UPK1B: variants seen among roughly 807,000 people sequenced by gnomAD.
UPK1B encodes the protein uroplakin-1b.
In UPK1B, 28 loss-of-function variants were observed where a neutral mutation model predicts 34.2. The observed-to-expected ratio is 0.82, with a 90% CI of 0.61 to 1.12. The LOEUF (loss-of-function observed/expected upper bound fraction) is 1.12. Ranked by LOEUF, UPK1B falls within the 50% of genes most tolerant of loss-of-function variation. The pLI is 0.00. For missense variants in UPK1B, 325 were observed against 320.9 expected, an observed-to-expected ratio of 1.01 and a Z score of -0.10; for synonymous variants, 81 against 110.4, an observed-to-expected ratio of 0.73 and a Z score of 1.67.
chr3:119,175,317 G>A lies in UPK1B; in HGVS notation c.-29+1679G>A, dbSNP rs12497647. Among the ~76,000 whole-genome samples, 2,197 of 151,964 alleles carry A rather than the reference G, an allele frequency of 0.014. 82 individuals are homozygous for A. In the East Asian group the frequency reaches 0.16, roughly 11 times the overall value. On this transcript the variant is annotated intron_variant, in intron 1 of 7. Transcript: ENST00000264234. ...GCTGAGATTACAGGCTTGAGCCACC[G>A]CACCCGGCCAAAACTCAGAACTTCT...
At chr3:119,192,944 G>A (rs2107434625) in intron 5 of UPK1B, among the ~76,000 whole-genome samples, 1 of 222 alleles carries the variant, frequency 4.5e-3, no homozygotes, top group South Asian at 0.17. Flanking sequence ...CTACACTTGT[G>A]GTCCCATTTT....
At position 119,187,974 on chromosome 3, in the gene UPK1B, C is replaced by T. The variant is rs776227161; in HGVS notation, c.269C>T (p.Ala90Val). The T allele has an allele frequency of 8.3e-5, 134 of 1,613,980 alleles. 1 individual carries two copies. The highest frequency in any genetic ancestry group is 4.9e-4 in the Middle Eastern group (3 of 6,084). Residue 90 changes from alanine to valine, a missense_variant and splice_region_variant, in exon 3 of 8, where the codon GCG becomes GTG. Transcript: ENST00000264234. ...IMKSSRKILLAYFILMFIVYA... is the reference protein window; with the variant it reads ...IMKSSRKILLVYFILMFIVYA... Reference sequence around the variant, plus strand: ...AAGTCCAGCAGGAAAATTCTTCTGGCGGTAAGACCTCAAAATTCTCTGGAG... The same window carrying T: ...AAGTCCAGCAGGAAAATTCTTCTGGTGGTAAGACCTCAAAATTCTCTGGAG...
intron 5 of UPK1B, among the ~76,000 whole-genome samples, chr3:119,193,065 C>T (rs550619680): frequency 1.3e-5 from 2 of 152,274 alleles, no homozygotes; most frequent in South Asian, 2.1e-4. Flanking sequence ...ATCCAATAGC[C>T]AAGTCTCTGT....
chr3:119,200,429 T>C (rs931147876), intron 7 of UPK1B, among the ~76,000 whole-genome samples: 7 of 152,258 alleles, frequency 4.6e-5, no homozygotes, highest in Admixed American at 3.3e-4. Context: ...TACTCTGTTA[T>C]GTTAAAATAT....
chr3:119,179,352 GATATATATATATATATATATATATATAT>G (rs60685268), intron 1 of UPK1B, among the ~76,000 whole-genome samples: 3 of 46,890 alleles, frequency 6.4e-5, no homozygotes, highest in African/African-American at 1.8e-4. Flanking sequence ...GAGAGAGGGA[GATATATATATATATATATATATATATAT>G]ATATATATAT....
chr3:119,198,130 A>C, intron 6 of UPK1B, among the ~76,000 whole-genome samples: 1 of 119,228 alleles, frequency 8.4e-6, no homozygotes, highest in African/African-American at 3.3e-5. Flanking sequence ...GATCCTTCTT[A>C]GGAAAAACAA....
intron 1 of UPK1B, among the ~76,000 whole-genome samples, chr3:119,175,012 CTTTTTTTTTTTTTTTTTTTTTTT>C (rs374721069): frequency 3.6e-4 from 24 of 67,482 alleles, no homozygotes; most frequent in Non-Finnish European, 5.8e-4. Flanking sequence ...CTTTTATTTT[CTTTTTTTTTTTTTTTTTTTTTTT>C]TTTTTTTTTT....
intron 1 of UPK1B, among the ~76,000 whole-genome samples, chr3:119,183,402 C>G (rs1156469810): frequency 2.0e-5 from 3 of 151,886 alleles, no homozygotes; most frequent in Non-Finnish European, 4.4e-5. Context: ...GCTGGGATTA[C>G]AGGCACCCGC....
intron 1 of UPK1B, among the ~76,000 whole-genome samples, chr3:119,178,560 T>C (rs953619129): frequency 2.0e-5 from 3 of 152,128 alleles, no homozygotes; most frequent in Middle Eastern, 3.2e-3. Context: ...TACCAGAAAA[T>C]TTTGGTCTAC....
At chr3:119,197,318 AC>A (rs1483344014) in intron 6 of UPK1B, among the ~76,000 whole-genome samples, 1 of 152,206 alleles carries the variant, frequency 6.6e-6, no homozygotes, top group Non-Finnish European at 1.5e-5. Context: ...GTAAAGTACC[AC>A]TAAATTGACT....
chr3:119,174,941 A>G (rs1234736016), intron 1 of UPK1B, among the ~76,000 whole-genome samples: 1 of 149,540 alleles, frequency 6.7e-6, no homozygotes, highest in African/African-American at 2.4e-5. Flanking sequence ...TTTACATCCA[A>G]AGGGGACCTT....
At chr3:119,173,739 A>T (rs1019389965) in intron 1 of UPK1B, 101 bp downstream of exon 1, 6 of 152,238 alleles carry the variant, frequency 3.9e-5, no homozygotes, top group African/African-American at 1.4e-4. Context: ...AAGGGGAAGA[A>T]GTTAGATTCT....
In UPK1B at chr3:119,204,077, T is replaced by A; in HGVS notation, c.*110T>A. On this transcript the variant is annotated 3_prime_UTR_variant, in exon 8 of 8. Transcript: ENST00000264234. ...TGTGCCCCACACTAACGTGTGTGTC[T>A]TACATTGCCAAGTCAGATGGTACGG... 1.6e-6 allele frequency: 2 copies of A among 1,255,484 alleles called. No homozygotes were observed. Among genetic ancestry groups the A allele is most frequent in the Non-Finnish European group, 1.1e-6 (1 of 872,118 alleles). The allele number at this position is 1,255,484 out of a possible 1,614,324, so 77.8% of individuals were successfully genotyped here.
At chr3:119,181,380 C>A (rs941443777) in intron 1 of UPK1B, among the ~76,000 whole-genome samples, 6 of 152,212 alleles carry the variant, frequency 3.9e-5, no homozygotes, top group African/African-American at 1.4e-4. Context: ...TAGCTCTAGT[C>A]TGTCTCCTTT....
intron 7 of UPK1B, among the ~76,000 whole-genome samples, chr3:119,200,940 T>C (rs1239750910): frequency 6.6e-6 from 1 of 152,232 alleles, no homozygotes; most frequent in African/African-American, 2.4e-5. Context: ...CTTTCTGTCA[T>C]GCAGAATATT....
At chr3:119,191,511 A>G (rs955340124) in intron 5 of UPK1B, among the ~76,000 whole-genome samples, 3 of 152,094 alleles carry the variant, frequency 2.0e-5, no homozygotes, top group Non-Finnish European at 2.9e-5. Context: ...CTTCCAGAAT[A>G]TCCATCATCA....
rs562159381 is a variant in UPK1B, at chr3:119,177,579, C to T, written c.-29+3941C>T. ...AATAACTGTCCTAGGATGAATGACA[C>T]TTTAATGTCTCTCAAATTACATATC... On this transcript the variant is annotated intron_variant, in intron 1 of 7. Coordinates refer to ENST00000264234, the MANE Select transcript of UPK1B (RefSeq NM_006952.4). 3.3e-5 allele frequency among the ~76,000 whole-genome samples: 5 copies of T among 152,342 alleles called. No individual in the cohort carries two copies. The South Asian group carries it at 1.0e-3, about 32-fold the overall frequency.
intron 2 of UPK1B, 118 bp downstream of exon 2, chr3:119,186,928 G>T (rs952766269): frequency 9.4e-7 from 1 of 1,064,720 alleles, no homozygotes; most frequent in Non-Finnish European, 1.4e-6. Flanking sequence ...CTATATTTTT[G>T]CTTCATTTTA....
chr3:119,189,515 C>T (rs987052653), intron 3 of UPK1B, among the ~76,000 whole-genome samples: 14 of 152,274 alleles, frequency 9.2e-5, no homozygotes, highest in Non-Finnish European at 1.9e-4. Context: ...AATAGCATCA[C>T]TGTCATGTGG....
Sources: gnomAD v4.1 joint callset for allele counts (sites outside exome capture counted in the v4.1 genomes callset) on GRCh38, gnomAD v4.1.1 for gene constraint, MANE v1.5 for transcripts, NCBI Gene and HGNC (gene_info 2026-07-23, HGNC 2026-07-21) for gene names.